Variants in TBP observed in about 807,000 individuals in gnomAD.
The protein encoded by TBP is TATA-box-binding protein.
In TBP, 12 loss-of-function variants were observed where a neutral mutation model predicts 46.2. That is an observed-to-expected ratio of 0.26 (90% CI 0.17 to 0.42). The LOEUF is 0.42. TBP is among the 10% of genes least tolerant of loss of function. TBP has a pLI of 1.00. For synonymous variants in TBP, 157 were observed against 148.3 expected (o/e 1.06, Z -0.42); for missense variants, 229 against 403.1 (o/e 0.57, Z 3.70).
At chr6:170,558,928 A>G (rs1359412970) in intron 2 of TBP, among the ~76,000 whole-genome samples, 2 of 152,142 alleles carry the variant, frequency 1.3e-5, no homozygotes, top group Non-Finnish European at 2.9e-5. Context: ...CAAGTGATCC[A>G]TCCGCCTTGG....
At position 170,569,606 on chromosome 6, in the gene TBP, C is replaced by T. The variant is rs752724749; in HGVS notation, c.678-6C>T. The stretch of plus-strand genomic sequence containing the variant: ...TATGAATAACTCACTTTTTTCCTTT[C>T]CCTAGTGAAGAACAGTCCAGACTGG... On this transcript the variant is annotated splice_region_variant and splice_polypyrimidine_tract_variant and intron_variant, in intron 5 of 7. Coordinates refer to ENST00000392092, the MANE Select transcript of TBP (RefSeq NM_003194.5). 30 of 1,605,060 alleles carry T rather than the reference C, an allele frequency of 1.9e-5. No individual in the cohort carries two copies. The highest frequency in any genetic ancestry group is 3.5e-5 in the Admixed American group (2 of 57,826).
At chr6:170,563,210 T>C (rs1175319003) in intron 3 of TBP, among the ~76,000 whole-genome samples, 1 of 152,196 alleles carries the variant, frequency 6.6e-6, no homozygotes, top group Non-Finnish European at 1.5e-5. Context: ...CTTGTCTGAC[T>C]CCCAGGAATA....
At chr6:170,561,739 C>T (rs371814567) in intron 2 of TBP, 52 bp from the exon 3 acceptor site, 93 of 1,575,030 alleles carry the variant, frequency 5.9e-5, no homozygotes, top group Non-Finnish European at 7.3e-5. Flanking sequence ...GAAAGTTCCA[C>T]AAACACTTAG....
intron 2 of TBP, among the ~76,000 whole-genome samples, chr6:170,557,542 C>T (rs1779051197): frequency 2.0e-5 from 3 of 151,988 alleles, no homozygotes; most frequent in South Asian, 2.1e-4. Flanking sequence ...CGAGACCAGC[C>T]TGGCCAACGT....
rs963275981 is a variant in TBP at position 170,554,483 on chromosome 6, T to TGG, written c.-149+20_-149+21insGG. Reference sequence around the variant, plus strand: ...ACCCAGGTAACAGATTGTACTCTTTTCTGACGGTTCGGGCGAAGGCCACCA... The same window carrying TGG: ...ACCCAGGTAACAGATTGTACTCTTTTGGCTGACGGTTCGGGCGAAGGCCACCA... On this transcript the variant is annotated intron_variant, in intron 1 of 7. Transcript: ENST00000392092. The TGG allele has an allele frequency of 6.6e-6, 1 of 152,564 alleles. No individual in the cohort carries two copies. Among genetic ancestry groups the TGG allele is most frequent in the African/African-American group, 2.4e-5 (1 of 41,468 alleles). 9.5% of individuals were successfully genotyped at this position (152,564 alleles called of 1,614,324 possible).
In TBP at chr6:170,562,154, C is replaced by T. The variant is rs1779162162; in HGVS notation, c.418C>T (p.Pro140Ser). 6 of 1,614,200 alleles carry T rather than the reference C, an allele frequency of 3.7e-6. No homozygotes were observed. Among genetic ancestry groups the T allele is most frequent in the Non-Finnish European group, 5.1e-6 (6 of 1,180,038 alleles). Residue 140 changes from proline (P) to serine (S), a missense_variant, in exon 3 of 8, where the codon CCC (proline) becomes TCC (serine). Pro to Ser is a moderately conservative substitution (Grantham distance 74, BLOSUM62 -1). Coordinates refer to ENST00000392092, the MANE Select transcript of TBP (RefSeq NM_003194.5). ...APLPGTTPLYPSPMTPMTPIT... is the reference protein window; with the variant it reads ...APLPGTTPLYSSPMTPMTPIT... The stretch of plus-strand genomic sequence containing the variant: ...CTTGCCGGGCACCACTCCACTGTAT[C>T]CCTCCCCCATGACTCCCATGACCCC...
Position 170,572,302 on chromosome 6 carries a change from T to A in TBP, c.*37T>A. 1.7e-5 allele frequency: 6 copies of A among 354,122 alleles called. No individual in the cohort carries two copies. Among genetic ancestry groups the A allele is most frequent in the Non-Finnish European group, 2.2e-5 (5 of 223,484 alleles). The allele number at this position is 354,122 out of a possible 1,614,324, so 21.9% of individuals were successfully genotyped here. A position where few individuals can be genotyped will look rare whatever the true frequency, so the allele number is the denominator to read the frequency against. ...TACCCTTGCCTCCCCCACCCCCTTC[T>A]TTTTTTTTTTTTAAACAAATCAGTT... is the stretch of plus-strand genomic sequence containing the variant. On this transcript the variant is annotated 3_prime_UTR_variant, in exon 8 of 8. Transcript: ENST00000392092.
chr6:170,572,243 A>C lies in TBP; in HGVS notation c.998A>C (p.Lys333Thr). The C allele has an allele frequency of 1.2e-6, 2 of 1,613,930 alleles. No homozygotes were observed. Among genetic ancestry groups the C allele is most frequent in the Middle Eastern group, 1.7e-4 (1 of 6,056 alleles). The part of the protein sequence containing the change: ...EAFENIYPIL[K>T]GFRKTT ...TTTGAAAACATCTACCCTATTCTAA[A>C]GGGATTCAGGAAGACGACGTAATGG... The change falls in exon 8 of 8, where the codon AAG becomes ACG. Residue 333 changes from lysine to threonine, a missense_variant. Physicochemically the swap from Lys to Thr is moderately conservative, Grantham distance 78. Transcript: ENST00000392092.
In TBP at chr6:170,572,403, C is replaced by T; in HGVS notation, c.*138C>T. 1.4e-6 allele frequency: 1 copy of T among 721,796 alleles called. No homozygotes were observed. The highest frequency in any genetic ancestry group is 2.3e-6 in the Non-Finnish European group (1 of 428,548). 44.7% of individuals were successfully genotyped at this position (721,796 alleles called of 1,614,324 possible). ...GCAGGGTGTGGCACCAGGTGATGCC[C>T]TTCTGTAAGTGCCCACCGCGGGATG... On this transcript the variant is annotated 3_prime_UTR_variant, in exon 8 of 8. Coordinates refer to ENST00000392092, the MANE Select transcript of TBP (RefSeq NM_003194.5).
chr6:170,560,353 T>A (rs529744556), intron 2 of TBP, among the ~76,000 whole-genome samples: 15 of 152,234 alleles, frequency 9.9e-5, no homozygotes, highest in Admixed American at 2.0e-4. Context: ...AATTTTTTTT[T>A]AATTAGCTGG....
intron 3 of TBP, 33 bp downstream of exon 3, chr6:170,562,266 T>C: frequency 6.3e-7 from 1 of 1,590,348 alleles, no homozygotes; most frequent in Non-Finnish European, 8.6e-7. Context: ...TTCCTCCCAC[T>C]TAGGAGTCCC....
At chr6:170,565,842 G>A (rs953494595) in intron 4 of TBP, among the ~76,000 whole-genome samples, 1 of 152,110 alleles carries the variant, frequency 6.6e-6, no homozygotes, top group Non-Finnish European at 1.5e-5. Flanking sequence ...GGAGGCCAAG[G>A]TGGGAGGATC....
At chr6:170,569,485 A>G (rs1011007418) in intron 5 of TBP, 127 bp from the exon 6 acceptor site, 1 of 691,160 alleles carries the variant, frequency 1.4e-6, no homozygotes, top group East Asian at 3.0e-5. Context: ...CTTTTCTCCT[A>G]TTGCAAGAAG....
In TBP at chr6:170,569,652, G is replaced by A; in HGVS notation, c.718G>A (p.Val240Ile). Residue 240 changes from valine (V) to isoleucine (I), a missense_variant, in exon 6 of 8, where the codon GTT becomes ATT. By Grantham distance (29) the Val-to-Ile change is conservative (BLOSUM62 3). This residue lies in a region of TBP where 67 missense variants were observed against 188.2 expected (regional missense o/e 0.36). Transcript: ENST00000392092. ...SRLAARKYAR[V>I]VQKLGFPAKF... ...ACTGGCAGCAAGAAAATATGCTAGAGTTGTACAGAAGTTGGGTTTTCCAGC... is the reference window on the plus strand; with the variant it reads ...ACTGGCAGCAAGAAAATATGCTAGAATTGTACAGAAGTTGGGTTTTCCAGC... 6.2e-7 allele frequency: 1 copy of A among 1,614,166 alleles called. No homozygotes were observed. Among genetic ancestry groups the A allele is most frequent in the Non-Finnish European group, 8.5e-7 (1 of 1,180,016 alleles).
chr6:170,562,309 G>A, intron 3 of TBP, 76 bp downstream of exon 3: 5 of 1,453,852 alleles, frequency 3.4e-6, no homozygotes, highest in Non-Finnish European at 4.7e-6. Flanking sequence ...TTTTCAGATG[G>A]ATCCTTTTAT....
chr6:170,563,793 G>A (rs1229699773), intron 3 of TBP, among the ~76,000 whole-genome samples: 1 of 152,196 alleles, frequency 6.6e-6, no homozygotes, highest in African/African-American at 2.4e-5. Flanking sequence ...AAAGGGCATT[G>A]CCCATTTCAA....
chr6:170,563,252 A>G (rs946784204), intron 3 of TBP, among the ~76,000 whole-genome samples: 1 of 152,180 alleles, frequency 6.6e-6, no homozygotes, highest in African/African-American at 2.4e-5. Context: ...TAAATAATAA[A>G]TTATAAACAG....
Position 170,568,824 on chromosome 6 carries a change from T to C in TBP, c.678-788T>C, listed in dbSNP as rs1383269283. On this transcript the variant is annotated intron_variant, in intron 5 of 7. Coordinates refer to ENST00000392092, the MANE Select transcript of TBP (RefSeq NM_003194.5). ...TTCTTTCTTTCCTTTTCTTTTTTTT[T>C]TTTTTTTTTTTTTTTTTTGGTGGAG... is the stretch of plus-strand genomic sequence containing the variant. 4.5e-5 allele frequency among the ~76,000 whole-genome samples: 5 copies of C among 111,694 alleles called. 1 individual carries two copies. The highest frequency in any genetic ancestry group is 7.3e-5 in the African/African-American group (2 of 27,518). 73.3% of individuals were successfully genotyped at this position (111,694 alleles called of 152,430 possible). A position where few individuals can be genotyped will look rare whatever the true frequency, so the allele number is the denominator to read the frequency against.
At chr6:170,562,541 C>T (rs1348997465) in intron 3 of TBP, among the ~76,000 whole-genome samples, 6 of 152,116 alleles carry the variant, frequency 3.9e-5, no homozygotes, top group South Asian at 2.1e-4. Flanking sequence ...TATCTGATAT[C>T]GCTAAATCAC....
Sources: allele counts gnomAD v4.1 joint callset (sites outside exome capture counted in the v4.1 genomes callset), GRCh38; gene constraint gnomAD v4.1.1; regional missense constraint gnomAD v4.1.1; transcripts MANE v1.5; gene names NCBI Gene and HGNC (gene_info 2026-07-23, HGNC 2026-07-21).